Variants in CLMP observed in about 807,000 individuals in gnomAD.
The protein encoded by CLMP is CXADR-like membrane protein.
Under a neutral mutation model 45.2 loss-of-function variants are expected in CLMP, and 27 were observed. That is an observed-to-expected ratio of 0.60 (90% confidence interval 0.44 to 0.82). The LOEUF (loss-of-function observed/expected upper bound fraction) is 0.82, where lower values mean the gene tolerates loss of function less well. Among genes scored for constraint, CLMP ranks in the 40% least tolerant of loss-of-function variants. The probability of loss-of-function intolerance (pLI) is 0.00; values close to 1 mark genes in which losing one functional copy is unlikely to be tolerated. For missense variants in CLMP, 403 were observed against 448.4 expected (o/e 0.90, Z 0.91); for synonymous variants, 167 against 171.4 (o/e 0.97, Z 0.20).
At chr11:123,083,936 C>T (rs765200844) in intron 3 of CLMP, 89 bp from the exon 4 acceptor site, 1 of 1,452,440 alleles carries the variant, frequency 6.9e-7, no homozygotes, top group South Asian at 1.3e-5. Context: ...TATTGAGTTG[C>T]TTCTCCAGCC....
At chr11:123,189,769 A>G (rs1196520609) in intron 1 of CLMP, among the ~76,000 whole-genome samples, 1 of 152,156 alleles carries the variant, frequency 6.6e-6, no homozygotes, top group Admixed American at 6.5e-5. Flanking sequence ...GCCCATTGGG[A>G]GGCCGATGAT....
chr11:123,092,907 C>CTTTT (rs201940583), intron 2 of CLMP, among the ~76,000 whole-genome samples: 1 of 128,242 alleles, frequency 7.8e-6, no homozygotes. Flanking sequence ...CTGACACACA[C>CTTTT]TTTTTTTTTT....
At chr11:123,135,177 T>TTGAACCCGGGAGACAGAGGTTGCAG (rs1861053246) in intron 1 of CLMP, among the ~76,000 whole-genome samples, 1 of 150,196 alleles carries the variant, frequency 6.7e-6, no homozygotes, top group Non-Finnish European at 1.5e-5. Flanking sequence ...GGAGAATGGC[T>TTGAACCCGGGAGACAGAGGTTGCAG]TGAACCCGGG....
chr11:123,192,155 C>T (rs544728783), intron 1 of CLMP, among the ~76,000 whole-genome samples: 1 of 152,084 alleles, frequency 6.6e-6, no homozygotes, highest in East Asian at 1.9e-4. Context: ...ATGTTTTGGG[C>T]GCATGAAGTA....
At chr11:123,110,686 G>T (rs1427902997) in intron 1 of CLMP, among the ~76,000 whole-genome samples, 1 of 152,132 alleles carries the variant, frequency 6.6e-6, no homozygotes, top group Non-Finnish European at 1.5e-5. Flanking sequence ...GTCAAGGGGG[G>T]CCGGATATTG....
intron 1 of CLMP, among the ~76,000 whole-genome samples, chr11:123,142,290 T>C (rs989034154): frequency 6.6e-5 from 10 of 151,858 alleles, no homozygotes; most frequent in Admixed American, 1.3e-4. Context: ...CTGGCTGATC[T>C]AGCCAAAATT....
At chr11:123,141,833 C>A (rs998322412) in intron 1 of CLMP, among the ~76,000 whole-genome samples, 1 of 152,078 alleles carries the variant, frequency 6.6e-6, no homozygotes, top group Admixed American at 6.6e-5. Context: ...ATCTCGCCCC[C>A]CAAAACATGG....
chr11:123,142,915 C>T (rs889692565), intron 1 of CLMP, among the ~76,000 whole-genome samples: 2 of 152,166 alleles, frequency 1.3e-5, no homozygotes, highest in Middle Eastern at 3.4e-3. Context: ...CGTGAGCCAC[C>T]GCGCCCGGCC....
In CLMP at chr11:123,125,103, G is replaced by A. The variant is rs535260124; in HGVS notation, c.29-27151C>T. Among the ~76,000 whole-genome samples the A allele has an allele frequency of 2.0e-5, 3 of 152,254 alleles. No individual in the cohort carries two copies. In the South Asian group the frequency reaches 6.2e-4, roughly 32 times the overall value. ...AGCAGAGACAGGGTTTCACCATGTT[G>A]CCTAGATGGGTCTTGAACTCCTGAG... is the stretch of plus-strand genomic sequence containing the variant. On this transcript the variant is annotated intron_variant, in intron 1 of 6. Coordinates refer to ENST00000448775, the MANE Select transcript of CLMP (RefSeq NM_024769.5).
intron 1 of CLMP, among the ~76,000 whole-genome samples, chr11:123,120,075 G>A (rs963391577): frequency 1.3e-5 from 2 of 152,036 alleles, no homozygotes; most frequent in Non-Finnish European, 2.9e-5. Flanking sequence ...ATTTTGATGT[G>A]CCTTTTAATC....
intron 2 of CLMP, among the ~76,000 whole-genome samples, chr11:123,095,879 G>A (rs1358083751): frequency 6.6e-6 from 1 of 152,210 alleles, no homozygotes; most frequent in Non-Finnish European, 1.5e-5. Context: ...CGAGGGCAGA[G>A]AGGGAAGTCC....
intron 1 of CLMP, among the ~76,000 whole-genome samples, chr11:123,153,236 C>T (rs1861366735): frequency 6.6e-6 from 1 of 152,210 alleles, no homozygotes; most frequent in Non-Finnish European, 1.5e-5. Flanking sequence ...TCCTCTCCCC[C>T]AGGCATAGAA....
chr11:123,084,144 G>A (rs528835453), intron 3 of CLMP, among the ~76,000 whole-genome samples: 1 of 152,292 alleles, frequency 6.6e-6, no homozygotes, highest in Admixed American at 6.5e-5. Context: ...AGTTGAGCAT[G>A]GTTTTACTGA....
rs1865684684 is a variant in CLMP, at chr11:123,072,552, G to A, written c.*922C>T. ...AGAAGAGACTATAATGGTATGTTGG[G>A]TAATCTTTCAGCATTCCTAGATCCC... On this transcript the variant is annotated 3_prime_UTR_variant, in exon 7 of 7. Coordinates refer to ENST00000448775, the MANE Select transcript of CLMP (RefSeq NM_024769.5). 6.6e-6 allele frequency: 1 copy of A among 152,112 alleles called. No homozygotes were observed. The highest frequency in any genetic ancestry group is 2.1e-4 in the South Asian group (1 of 4,826). 9.4% of individuals were successfully genotyped at this position (152,112 alleles called of 1,614,324 possible). A position where few individuals can be genotyped will look rare whatever the true frequency, so the allele number is the denominator to read the frequency against.
At chr11:123,103,257 TC>T (rs541470573) in intron 1 of CLMP, among the ~76,000 whole-genome samples, 204 of 152,294 alleles carry the variant, frequency 1.3e-3, no homozygotes, top group African/African-American at 4.9e-3. Flanking sequence ...CTGATCACTT[TC>T]CACCGGACAC....
At chr11:123,101,987 C>A (rs1866068121) in intron 1 of CLMP, among the ~76,000 whole-genome samples, 2 of 152,178 alleles carry the variant, frequency 1.3e-5, no homozygotes, top group Admixed American at 6.5e-5. Context: ...AGTTTTGAGA[C>A]CAGCCTGGGC....
intron 2 of CLMP, among the ~76,000 whole-genome samples, chr11:123,093,183 G>C (rs1306791200): frequency 6.6e-6 from 1 of 151,832 alleles, no homozygotes; most frequent in African/African-American, 2.4e-5. Context: ...TGGAATTACA[G>C]GTGTGAACCA....
At chr11:123,185,310 G>A (rs1007446976) in intron 1 of CLMP, among the ~76,000 whole-genome samples, 1 of 152,200 alleles carries the variant, frequency 6.6e-6, no homozygotes, top group African/African-American at 2.4e-5. Flanking sequence ...GCTTGACGGA[G>A]TTCACGCTGG....
intron 1 of CLMP, among the ~76,000 whole-genome samples, chr11:123,178,766 G>T (rs1216448939): frequency 1.3e-5 from 2 of 152,180 alleles, no homozygotes; most frequent in African/African-American, 4.8e-5. Flanking sequence ...TGTGGCTGTG[G>T]TGTCTTAGGA....
Sources: allele counts gnomAD v4.1 joint callset (sites outside exome capture counted in the v4.1 genomes callset), GRCh38; gene constraint gnomAD v4.1.1; transcripts MANE v1.5; gene names NCBI Gene and HGNC (gene_info 2026-07-23, HGNC 2026-07-21).